Variants in SYPL1 observed in about 807,000 individuals in gnomAD.
SYPL1 encodes the protein synaptophysin-like protein 1.
Under a neutral mutation model 23.7 loss-of-function variants are expected in SYPL1, and 6 were observed. That is an observed-to-expected ratio of 0.25 (90% CI 0.14 to 0.50). The LOEUF (loss-of-function observed/expected upper bound fraction) is 0.50. Among genes scored for constraint, SYPL1 ranks in the 20% least tolerant of loss-of-function variants. The pLI is 0.98. For missense variants in SYPL1, 253 were observed against 288.9 expected (o/e 0.88, Z 0.90); for synonymous variants, 102 against 104.5 (o/e 0.98, Z 0.15).
chr7:106,091,692 C>A lies in SYPL1; in HGVS notation c.*113G>T. 8.2e-7 allele frequency: 1 copy of A among 1,214,080 alleles called. No individual in the cohort carries two copies. Among genetic ancestry groups the A allele is most frequent in the Admixed American group, 2.9e-5 (1 of 34,144 alleles). The allele number at this position is 1,214,080 out of a possible 1,614,324, so 75.2% of individuals were successfully genotyped here. On this transcript the variant is annotated 3_prime_UTR_variant, in exon 5 of 5. Coordinates refer to ENST00000455385, the MANE Select transcript of SYPL1 (RefSeq NM_182715.4). This position sits in a 1 kb window ranked among gnomAD's most constrained non-coding sequence, Gnocchi z 5.0. ...AAAAAGCAGCAAAGTTTTAAACCCA[C>A]CAATATATTGACAAAGCCATTACTT... is the stretch of plus-strand genomic sequence containing the variant.
At position 106,092,993 on chromosome 7, in the gene SYPL1, A is replaced by ATCT; in HGVS notation, c.546_547insAGA (p.Cys182_Tyr183insArg). Reference sequence around the variant, plus strand: ...CCCATACTGGTCACAGAGCCAAAGTAACACAGTACTGCTTTCTTCTTACAA... The same window carrying ATCT: ...CCCATACTGGTCACAGAGCCAAAGTATCTACACAGTACTGCTTTCTTCTTACAA... On this transcript the variant is annotated inframe_insertion, in exon 4 of 5. Transcript: ENST00000455385. 1 of 1,612,026 alleles carries ATCT rather than the reference A, an allele frequency of 6.2e-7. No individual in the cohort carries two copies. Among genetic ancestry groups the ATCT allele is most frequent in the Admixed American group, 1.7e-5 (1 of 59,746 alleles).
intron 3 of SYPL1, among the ~76,000 whole-genome samples, chr7:106,094,422 A>G (rs928098575): frequency 6.6e-6 from 1 of 152,242 alleles, no homozygotes; most frequent in African/African-American, 2.4e-5. Flanking sequence ...GGATTAGAGA[A>G]CCAAAAATAA....
Position 106,091,654 on chromosome 7 carries a change from C to T in SYPL1, c.*151G>A. 1.4e-6 allele frequency: 1 copy of T among 737,370 alleles called. No individual in the cohort carries two copies. Among genetic ancestry groups the T allele is most frequent in the Non-Finnish European group, 2.0e-6 (1 of 505,870 alleles). The allele number at this position is 737,370 out of a possible 1,614,324, so 45.7% of individuals were successfully genotyped here. A position where few individuals can be genotyped will look rare whatever the true frequency, so the allele number is the denominator to read the frequency against. On this transcript the variant is annotated 3_prime_UTR_variant, in exon 5 of 5. Transcript: ENST00000455385. This position sits in a 1 kb window ranked among gnomAD's most constrained non-coding sequence, Gnocchi z 5.0. ...ACATCTTAACTTTCTAGGAAAGGCACAGGCTTTATGTAAAAAAGCAGCAAA... is the reference window on the plus strand; with the variant it reads ...ACATCTTAACTTTCTAGGAAAGGCATAGGCTTTATGTAAAAAAGCAGCAAA...
chr7:106,091,593 C>T lies in SYPL1; in HGVS notation c.*212G>A. On this transcript the variant is annotated 3_prime_UTR_variant, in exon 5 of 5. Coordinates refer to ENST00000455385, the MANE Select transcript of SYPL1 (RefSeq NM_182715.4). The surrounding 1 kb of genome is among the most constrained non-coding windows in gnomAD (Gnocchi z 5.0). Reference sequence around the variant, plus strand: ...AAATGTGTATCATTTCATAATAGACCCCTGAACTTTCAAATTTACATGTGA... The same window carrying T: ...AAATGTGTATCATTTCATAATAGACTCCTGAACTTTCAAATTTACATGTGA... 1 of 459,252 alleles carries T rather than the reference C, an allele frequency of 2.2e-6. No homozygotes were observed. The highest frequency in any genetic ancestry group is 5.0e-5 in the South Asian group (1 of 20,162). 28.4% of individuals were successfully genotyped at this position (459,252 alleles called of 1,614,324 possible).
intron 1 of SYPL1, among the ~76,000 whole-genome samples, chr7:106,108,529 T>C (rs1298559724): frequency 6.6e-6 from 1 of 152,164 alleles, no homozygotes. Context: ...ACACACCTTA[T>C]GATGGGACCC....
rs1359748168 is a variant in SYPL1, at chr7:106,093,301, G to A, written c.403-164C>T. ...GTCAGTCAGCATAGTAAACATTGCT[G>A]TTAGTGTTACAAGCACAGTGCCTGA... On this transcript the variant is annotated intron_variant, in intron 3 of 4. Coordinates refer to ENST00000455385, the MANE Select transcript of SYPL1 (RefSeq NM_182715.4). 8.4e-6 allele frequency: 5 copies of A among 597,634 alleles called. No individual in the cohort carries two copies. In the East Asian group the frequency reaches 1.5e-4, roughly 18 times the overall value. The allele number at this position is 597,634 out of a possible 1,614,324, so 37.0% of individuals were successfully genotyped here. A position where few individuals can be genotyped will look rare whatever the true frequency, so the allele number is the denominator to read the frequency against.
rs176491 is a variant in SYPL1, at chr7:106,097,158, G to C, written c.402+532C>G. 0.21 allele frequency among the ~76,000 whole-genome samples: 31,242 copies of C among 152,148 alleles called. 3,661 individuals carry two copies. Among genetic ancestry groups the C allele is most frequent in the South Asian group, 0.28 (1,335 of 4,828 alleles). The stretch of plus-strand genomic sequence containing the variant: ...GTTGAGGCTGCAGCAAGCCAAGATG[G>C]TGCTACTGCCCTCCTGCCTGGGCGA... On this transcript the variant is annotated intron_variant, in intron 3 of 4. Coordinates refer to ENST00000455385, the MANE Select transcript of SYPL1 (RefSeq NM_182715.4). This position sits in a 1 kb window ranked among gnomAD's most constrained non-coding sequence, Gnocchi z 4.6.
rs1840050350 is a variant in SYPL1 at position 106,097,061 on chromosome 7, CA to C, written c.402+628del. Among the ~76,000 whole-genome samples the C allele has an allele frequency of 6.6e-6, 1 of 152,114 alleles. No homozygotes were observed. The highest frequency in any genetic ancestry group is 1.9e-4 in the East Asian group (1 of 5,190). ...AAAACTTCGTCTTTACAAAAATACA[CA>C]AAAAGTAACTGAGTATGGTGGCTTG... is the stretch of plus-strand genomic sequence containing the variant. On this transcript the variant is annotated intron_variant, in intron 3 of 4. Transcript: ENST00000455385. This position sits in a 1 kb window ranked among gnomAD's most constrained non-coding sequence, Gnocchi z 4.6.
In SYPL1 at chr7:106,097,914, A is replaced by G; in HGVS notation, c.195-17T>C. ...TCATTCAACCTATTAAAATAAATGT[A>G]TGAATTATTGGACTTTCCCAACAGA... is the stretch of plus-strand genomic sequence containing the variant. On this transcript the variant is annotated splice_polypyrimidine_tract_variant and intron_variant, in intron 2 of 4. Transcript: ENST00000455385. This position sits in a 1 kb window ranked among gnomAD's most constrained non-coding sequence, Gnocchi z 4.6. 1 of 1,598,716 alleles carries G rather than the reference A, an allele frequency of 6.3e-7. No homozygotes were observed. Among genetic ancestry groups the G allele is most frequent in the South Asian group, 1.1e-5 (1 of 89,940 alleles).
chr7:106,110,884 C>T (rs1790108145), intron 1 of SYPL1, among the ~76,000 whole-genome samples: 1 of 152,184 alleles, frequency 6.6e-6, no homozygotes, highest in South Asian at 2.1e-4. Flanking sequence ...ATAAGACTTT[C>T]TTAACGTTCA....
rs549178109 is a variant in SYPL1, at chr7:106,091,665, T to TA, written c.*139dup. ...TTCTAGGAAAGGCACAGGCTTTATGTAAAAAAGCAGCAAAGTTTTAAACCC... is the reference window on the plus strand; with the variant it reads ...TTCTAGGAAAGGCACAGGCTTTATGTAAAAAAAGCAGCAAAGTTTTAAACCC... On this transcript the variant is annotated 3_prime_UTR_variant, in exon 5 of 5. Coordinates refer to ENST00000455385, the MANE Select transcript of SYPL1 (RefSeq NM_182715.4). This position sits in a 1 kb window ranked among gnomAD's most constrained non-coding sequence, Gnocchi z 5.0. 3.4e-5 allele frequency: 30 copies of TA among 870,532 alleles called. No individual in the cohort carries two copies. The African/African-American group carries it at 5.0e-4, about 14-fold the overall frequency. 53.9% of individuals were successfully genotyped at this position (870,532 alleles called of 1,614,324 possible).
At chr7:106,105,268 A>T (rs1464662230) in intron 1 of SYPL1, among the ~76,000 whole-genome samples, 3 of 152,006 alleles carry the variant, frequency 2.0e-5, no homozygotes, top group Non-Finnish European at 4.4e-5. Flanking sequence ...CTAGTCTAAA[A>T]TGAAGGAGTA....
At chr7:106,105,163 A>G (rs1455438949) in intron 1 of SYPL1, among the ~76,000 whole-genome samples, 1 of 152,178 alleles carries the variant, frequency 6.6e-6, no homozygotes, top group African/African-American at 2.4e-5. Context: ...GTTGCCAGTA[A>G]GTAATCAATG....
chr7:106,100,915 G>C lies in SYPL1; in HGVS notation c.70-1633C>G, dbSNP rs1840276583. On this transcript the variant is annotated intron_variant, in intron 1 of 4. Transcript: ENST00000455385. The surrounding 1 kb of genome is among the most constrained non-coding windows in gnomAD (Gnocchi z 5.1). The stretch of plus-strand genomic sequence containing the variant: ...TCTTCCCTTATATTTCTGACCTCAT[G>C]TTGCTACTTTTTCCTTTACCTAATC... Among the ~76,000 whole-genome samples the C allele has an allele frequency of 6.6e-6, 1 of 152,168 alleles. No homozygotes were observed. Among genetic ancestry groups the C allele is most frequent in the Admixed American group, 6.5e-5 (1 of 15,278 alleles).
In SYPL1 at chr7:106,106,474, C is replaced by G. The variant is rs559683646; in HGVS notation, c.69+5666G>C. ...GGCTGAGGCAGGAGAATTGCTTGAA[C>G]CTGGGAGGCGGAAGTTGCAGTGAGC... is the stretch of plus-strand genomic sequence containing the variant. On this transcript the variant is annotated intron_variant, in intron 1 of 4. Transcript: ENST00000455385. 3.3e-5 allele frequency among the ~76,000 whole-genome samples: 5 copies of G among 151,950 alleles called. No individual in the cohort carries two copies. The South Asian group carries it at 1.0e-3, about 32-fold the overall frequency.
At chr7:106,112,389 T>A, upstream of SYPL1, 1 of 1,312,188 alleles carries the variant, frequency 7.6e-7, no homozygotes, top group Non-Finnish European at 9.6e-7. Context: ...AGCTGCTGGC[T>A]GAGACTCTGG....
chr7:106,093,173 G>A (rs176486), intron 3 of SYPL1, 36 bp from the exon 4 acceptor site: 1,475,314 of 1,499,064 alleles, frequency 0.98, 725,992 homozygotes, highest in East Asian at 1. Context: ...ATAATGAACA[G>A]TTAATTTTAA....
rs1056176117 is a variant in SYPL1 at position 106,097,658 on chromosome 7, T to G, written c.402+32A>C. 1 of 1,535,094 alleles carries G rather than the reference T, an allele frequency of 6.5e-7. No individual in the cohort carries two copies. Among genetic ancestry groups the G allele is most frequent in the Non-Finnish European group, 8.8e-7 (1 of 1,130,366 alleles). ...TCTATATTTAGCTTATACAAATTAT[T>G]TTTGTATTTAAAAAATAAAGTGATT... is the stretch of plus-strand genomic sequence containing the variant. On this transcript the variant is annotated intron_variant, in intron 3 of 4. Coordinates refer to ENST00000455385, the MANE Select transcript of SYPL1 (RefSeq NM_182715.4). The surrounding 1 kb of genome is among the most constrained non-coding windows in gnomAD (Gnocchi z 4.6).
In SYPL1 at chr7:106,091,862, T is replaced by G; in HGVS notation, c.669A>C (p.Pro223=). 6.2e-7 allele frequency: 1 copy of G among 1,613,866 alleles called. No individual in the cohort carries two copies. The change falls in exon 5 of 5, where the codon CCA becomes CCC. Residue 223 remains proline (P), a synonymous_variant. Coordinates refer to ENST00000455385, the MANE Select transcript of SYPL1 (RefSeq NM_182715.4). The surrounding 1 kb of genome is among the most constrained non-coding windows in gnomAD (Gnocchi z 5.0). ...FVYKETSLHS[P]SNTSAPHSQG... is the part of the protein sequence containing the mutation. ...GGCTATGAGGGGCAGATGTATTTGA[T>G]GGACTGTGTAGGCTGGTCTCCTTGT...
Sources: gnomAD v4.1 joint callset for allele counts (sites outside exome capture counted in the v4.1 genomes callset) on GRCh38, gnomAD v4.1.1 for gene constraint, Gnocchi (gnomAD v3.1) non-coding constraint, MANE v1.5 for transcripts, NCBI Gene and HGNC (gene_info 2026-07-23, HGNC 2026-07-21) for gene names.